The following SART1 variants were observed in gnomAD, a reference collection of about 807,000 sequenced individuals.
SART1 encodes the protein spliceosome associated factor 1, recruiter of U4/U6.U5 tri-snRNP.
In SART1, 28 loss-of-function variants were observed where a neutral mutation model predicts 105.0. That is an observed-to-expected ratio of 0.27 (90% CI 0.20 to 0.37). The LOEUF is 0.37. Ranked by LOEUF, SART1 falls within the 10% of genes least tolerant of loss-of-function variation. The probability of loss-of-function intolerance (pLI) is 1.00; values close to 1 mark genes in which losing one functional copy is unlikely to be tolerated. For synonymous variants in SART1, 472 were observed against 462.9 expected (o/e 1.02, Z -0.25); for missense variants, 894 against 1,106.5 (o/e 0.81, Z 2.72).
At position 65,973,690 on chromosome 11, in the gene SART1, C is replaced by T. The variant is rs533864965; in HGVS notation, c.1573-2705C>T. ...GAGACATTGTCAGTGGGCCTGCAGC[C>T]GCAGTACTTGGGACAAAAAAAGTCC... On this transcript the variant is annotated intron_variant, in intron 12 of 19. Coordinates refer to ENST00000312397, the MANE Select transcript of SART1 (RefSeq NM_005146.5). Among the ~76,000 whole-genome samples, 9 of 152,266 alleles carry T rather than the reference C, an allele frequency of 5.9e-5. No homozygotes were observed. In the South Asian group the frequency reaches 8.3e-4, roughly 14 times the overall value.
At chr11:65,977,737 A>G (rs1375777720) in intron 16 of SART1, 27 bp from the exon 17 acceptor site, 6 of 1,613,932 alleles carry the variant, frequency 3.7e-6, no homozygotes, top group East Asian at 2.2e-5. Context: ...AGCTCCTCAC[A>G]CTAAGGCCTC....
intron 12 of SART1, among the ~76,000 whole-genome samples, chr11:65,970,624 GT>G (rs35239693): frequency 0.44 from 66,618 of 151,072 alleles, 15,449 homozygotes; most frequent in East Asian, 0.68. Flanking sequence ...TTGTTCTGGT[GT>G]TTTTCCAGTG....
intron 9 of SART1, among the ~76,000 whole-genome samples, chr11:65,966,912 T>C (rs1289019970): frequency 1.3e-5 from 2 of 152,106 alleles, no homozygotes; most frequent in Non-Finnish European, 2.9e-5. Context: ...TGGAGAGGTG[T>C]GCGTGGATTC....
At chr11:65,975,542 G>A (rs1855463135) in intron 12 of SART1, among the ~76,000 whole-genome samples, 1 of 151,146 alleles carries the variant, frequency 6.6e-6, no homozygotes, top group South Asian at 2.1e-4. Context: ...CAGTAGCTGG[G>A]ACTATGGGCG....
rs1253175000 is a variant in SART1, at chr11:65,967,494, G to A, written c.1337G>A (p.Arg446Gln). The A allele has an allele frequency of 9.3e-6, 15 of 1,613,174 alleles. No individual in the cohort carries two copies. Among genetic ancestry groups the A allele is most frequent in the East Asian group, 2.2e-5 (1 of 44,860 alleles). ...AGACTGCGGGGACGGGGTCGCCGCC[G>A]AGTGTCCGAAGTGGAGGAGGAGAAG... ...GSRLRGRGRR[R>Q]VSEVEEEKEP... Residue 446 changes from arginine to glutamine, a missense_variant, in exon 11 of 20, where the codon CGA becomes CAA. Physicochemically the swap from Arg to Gln is conservative, Grantham distance 43. Around this residue, in one of 2 missense-constraint regions of SART1, gnomAD observed 712 missense variants for 778.2 expected, o/e 0.91. Transcript: ENST00000312397.
rs1458163536 is a variant in SART1, at chr11:65,966,519, C to T, written c.1151C>T (p.Pro384Leu). Residue 384 changes from proline to leucine, a missense_variant, in exon 9 of 20, where the codon CCC (proline) becomes CTC (leucine). Coordinates refer to ENST00000312397, the MANE Select transcript of SART1 (RefSeq NM_005146.5). ...GCTCAGTCCCTGAGCACAGTGGGGC[C>T]CCGGCTGGCCTCCGAATACCTCACG... Reference protein sequence around the residue: ...LQAQSLSTVGPRLASEYLTPE... With the variant: ...LQAQSLSTVGLRLASEYLTPE... The T allele has an allele frequency of 6.4e-7, 1 of 1,571,610 alleles. No individual in the cohort carries two copies. The highest frequency in any genetic ancestry group is 1.8e-5 in the Admixed American group (1 of 54,816).
At chr11:65,963,998 TC>T in intron 1 of SART1, 75 bp from the exon 2 acceptor site, 2 of 1,353,914 alleles carry the variant, frequency 1.5e-6, no homozygotes, top group Non-Finnish European at 2.1e-6. Flanking sequence ...TCATTTTTGT[TC>T]CTGCAGCTGG....
Position 65,962,992 on chromosome 11 carries a change from G to C in SART1, c.313+899G>C, listed in dbSNP as rs1023886156. On this transcript the variant is annotated intron_variant, in intron 1 of 19. Coordinates refer to ENST00000312397, the MANE Select transcript of SART1 (RefSeq NM_005146.5). ...AGAGAAGCAGATTTGGAGCGGGGGT[G>C]GGGGGAGATAGTTCACTTTTGGGGT... 2.0e-5 allele frequency among the ~76,000 whole-genome samples: 3 copies of C among 152,022 alleles called. 1 individual carries two copies. Among genetic ancestry groups the C allele is most frequent in the Non-Finnish European group, 4.4e-5 (3 of 68,008 alleles).
intron 1 of SART1, among the ~76,000 whole-genome samples, chr11:65,962,559 G>A (rs941242293): frequency 1.3e-5 from 2 of 151,892 alleles, no homozygotes; most frequent in African/African-American, 4.8e-5. Flanking sequence ...GAGTAAGATA[G>A]ACAGGGATGT....
chr11:65,966,537 A>G lies in SART1; in HGVS notation c.1169A>G (p.Tyr390Cys), dbSNP rs770413448. 1 of 1,547,346 alleles carries G rather than the reference A, an allele frequency of 6.5e-7. No individual in the cohort carries two copies. The highest frequency in any genetic ancestry group is 8.7e-7 in the Non-Finnish European group (1 of 1,149,202). The change falls in exon 9 of 20, where the codon TAC becomes TGC. Residue 390 changes from tyrosine (Y) to cysteine (C), a missense_variant. By Grantham distance (194) the Tyr-to-Cys change is radical. Transcript: ENST00000312397. ...STVGPRLASE[Y>C]LTPEEMVTFK... ...GTGGGGCCCCGGCTGGCCTCCGAAT[A>G]CCTCACGCCTGAGGAGATGGTGAGC...
rs1855543973 is a variant in SART1, at chr11:65,979,263, C to T, written c.*233C>T. ...GGCTCCTTCCTTCTCCCCTGGCTGT[C>T]GGTCACACCTCTGCAGGGCCGGCTC... On this transcript the variant is annotated 3_prime_UTR_variant, in exon 20 of 20. Transcript: ENST00000312397. 1.1e-5 allele frequency: 7 copies of T among 609,248 alleles called. No individual in the cohort carries two copies. Among genetic ancestry groups the T allele is most frequent in the South Asian group, 8.0e-5 (4 of 49,978 alleles). The allele number at this position is 609,248 out of a possible 1,614,324, so 37.7% of individuals were successfully genotyped here. A position where few individuals can be genotyped will look rare whatever the true frequency, so the allele number is the denominator to read the frequency against.
intron 15 of SART1, 115 bp from the exon 16 acceptor site, chr11:65,977,448 C>A: frequency 2.3e-6 from 2 of 864,026 alleles, no homozygotes; most frequent in African/African-American, 1.7e-5. Context: ...GGCCTGATGG[C>A]TTTCCAGAGG....
intron 12 of SART1, among the ~76,000 whole-genome samples, 153 bp downstream of exon 12, chr11:65,967,974 G>C (rs1300423206): frequency 7.2e-6 from 1 of 138,074 alleles, no homozygotes; most frequent in Non-Finnish European, 1.5e-5. Context: ...TTTTGAGACA[G>C]AGTTTCGCTC....
intron 12 of SART1, among the ~76,000 whole-genome samples, chr11:65,974,635 C>T (rs1331262674): frequency 6.6e-6 from 1 of 151,910 alleles, no homozygotes; most frequent in African/African-American, 2.4e-5. Context: ...GCCTATATCG[C>T]CCCATTGCAC....
At position 65,978,283 on chromosome 11, in the gene SART1, T is replaced by A. The variant is rs75686353; in HGVS notation, c.2173-317T>A. On this transcript the variant is annotated intron_variant, in intron 17 of 19. Coordinates refer to ENST00000312397, the MANE Select transcript of SART1 (RefSeq NM_005146.5). This position sits in a 1 kb window ranked among gnomAD's most constrained non-coding sequence, Gnocchi z 6.8. ...CTGCCCTACCACTCAGCTGCCCCCTTGCTCTCTGGGGTTTGTCTCCCTGCA... is the reference window on the plus strand; with the variant it reads ...CTGCCCTACCACTCAGCTGCCCCCTAGCTCTCTGGGGTTTGTCTCCCTGCA... 0.024 allele frequency: 11,852 copies of A among 500,546 alleles called. 186 individuals carry two copies. Among genetic ancestry groups the A allele is most frequent in the African/African-American group, 0.055 (2,864 of 51,876 alleles). 31.0% of individuals were successfully genotyped at this position (500,546 alleles called of 1,614,324 possible).
chr11:65,968,420 G>C (rs942445549), intron 12 of SART1, among the ~76,000 whole-genome samples: 1 of 152,180 alleles, frequency 6.6e-6, no homozygotes, highest in Non-Finnish European at 1.5e-5. Flanking sequence ...GGGGCCCTGG[G>C]CTCATGGAGC....
In SART1 at chr11:65,966,532, C is replaced by T. The variant is rs139408234; in HGVS notation, c.1164C>T (p.Ser388=). 58 of 1,558,006 alleles carry T rather than the reference C, an allele frequency of 3.7e-5. 2 individuals are homozygous for T. The highest frequency in any genetic ancestry group is 3.4e-4 in the African/African-American group (25 of 73,646). Residue 388 remains serine (S), a synonymous_variant, in exon 9 of 20, where the codon TCC becomes TCT. Coordinates refer to ENST00000312397, the MANE Select transcript of SART1 (RefSeq NM_005146.5). ...SLSTVGPRLA[S]EYLTPEEMVT... ...GCACAGTGGGGCCCCGGCTGGCCTCCGAATACCTCACGCCTGAGGAGATGG... is the reference window on the plus strand; with the variant it reads ...GCACAGTGGGGCCCCGGCTGGCCTCTGAATACCTCACGCCTGAGGAGATGG...
At position 65,961,891 on chromosome 11, in the gene SART1, A is replaced by G. The variant is rs2134898991; in HGVS notation, c.111A>G (p.Lys37=). The G allele has an allele frequency of 6.4e-7, 1 of 1,564,230 alleles. No homozygotes were observed. The highest frequency in any genetic ancestry group is 2.5e-5 in the East Asian group (1 of 40,728). ...EQPPRHREHK[K]HKHRSGGSGG... ...CGCCGCGGCACCGGGAACACAAAAA[A>G]CACAAGCACCGGAGTGGCGGCAGTG... Residue 37 remains lysine, a synonymous_variant, in exon 1 of 20, where the codon AAA becomes AAG. Transcript: ENST00000312397.
rs550897793 is a variant in SART1 at position 65,967,108 on chromosome 11, T to C, written c.1189-151T>C. The C allele has an allele frequency of 1.9e-5, 22 of 1,157,902 alleles. No homozygotes were observed. In the South Asian group the frequency reaches 2.6e-4, roughly 14 times the overall value. The allele number at this position is 1,157,902 out of a possible 1,614,324, so 71.7% of individuals were successfully genotyped here. A position where few individuals can be genotyped will look rare whatever the true frequency, so the allele number is the denominator to read the frequency against. On this transcript the variant is annotated intron_variant, in intron 9 of 19. Coordinates refer to ENST00000312397, the MANE Select transcript of SART1 (RefSeq NM_005146.5). ...CCCTAGCTCACCAGTGGAATTGAGA[T>C]AGTAACCACCCCACATGTTGCTCAT...
Sources: allele counts gnomAD v4.1 joint callset (sites outside exome capture counted in the v4.1 genomes callset), GRCh38; gene constraint gnomAD v4.1.1; regional missense constraint gnomAD v4.1.1; non-coding constraint Gnocchi (gnomAD v3.1); transcripts MANE v1.5; gene names NCBI Gene and HGNC (gene_info 2026-07-23, HGNC 2026-07-21).